The following NCOR2 variants were observed in gnomAD, a reference collection of about 807,000 sequenced individuals.
NCOR2 encodes nuclear receptor corepressor 2, also known as CTG repeat protein 26.
A neutral mutation model predicts 262.9 loss-of-function variants in NCOR2; 81 were observed. That is an observed-to-expected ratio of 0.31 (90% confidence interval 0.26 to 0.37). The LOEUF (loss-of-function observed/expected upper bound fraction) is 0.37, where lower values mean the gene tolerates loss of function less well. Ranked by LOEUF, NCOR2 falls within the 10% of genes least tolerant of loss-of-function variation. The pLI, the probability that NCOR2 is intolerant of heterozygous loss-of-function variation, is 1.00. For missense variants in NCOR2, 3,385 were observed against 3,621.4 expected, an observed-to-expected ratio of 0.93 and a Z score of 1.68; for synonymous variants, 1,659 against 1,559.3, an observed-to-expected ratio of 1.06 and a Z score of -1.51.
intron 21 of NCOR2, 49 bp from the exon 24 acceptor site, chr12:124,362,346 G>A: frequency 1.5e-6 from 2 of 1,316,036 alleles, no homozygotes; most frequent in East Asian, 2.7e-5. Context: ...GTCTGAAAGT[G>A]ACAGGGTCAG....
At chr12:124,476,158 T>A (rs754429551) in intron 3 of NCOR2, among the ~76,000 whole-genome samples, 2 of 152,176 alleles carry the variant, frequency 1.3e-5, no homozygotes, top group Non-Finnish European at 2.9e-5. Flanking sequence ...AGCTCATGCG[T>A]CTGGCACCCC....
chr12:124,373,465 G>A (rs546484849), intron 19 of NCOR2, among the ~76,000 whole-genome samples: 2 of 112,290 alleles, frequency 1.8e-5, no homozygotes, highest in African/African-American at 3.6e-5. Context: ...AGGCCAGTGC[G>A]TGCGCAGGGG....
intron 21 of NCOR2, 25 bp downstream of exon 23, chr12:124,363,654 T>C (rs1468878685): frequency 7.6e-7 from 1 of 1,318,264 alleles, no homozygotes; most frequent in Non-Finnish European, 9.8e-7. Flanking sequence ...GTGGACTCTG[T>C]GGGGCTCTGG....
At chr12:124,376,284 C>A (rs10846663) in intron 18 of NCOR2, among the ~76,000 whole-genome samples, 1 of 152,078 alleles carries the variant, frequency 6.6e-6, no homozygotes, top group African/African-American at 2.4e-5. Context: ...TACGGGGCTA[C>A]GTAAGCTCTG....
chr12:124,479,825 G>C (rs558579186), intron 3 of NCOR2, among the ~76,000 whole-genome samples: 1 of 152,348 alleles, frequency 6.6e-6, no homozygotes, highest in African/African-American at 2.4e-5. Context: ...CCTGGAGGCA[G>C]GCATGGGGTG....
rs1106317 is a variant in NCOR2, at chr12:124,335,467, A to G, written c.6265+16T>C. On this transcript the variant is annotated intron_variant, in intron 39 of 46. Transcript: ENST00000405201. ...TGTGCAGGGCTTCGGGGGCCTGGGT[A>G]CTGGGTGGGGCGTACCTGGCTGCTT... 397,076 of 1,598,272 alleles carry G rather than the reference A, an allele frequency of 0.25. 55,168 individuals carry two copies. The highest frequency in any genetic ancestry group is 0.49 in the African/African-American group (36,574 of 74,890).
intron 1 of NCOR2, among the ~76,000 whole-genome samples, chr12:124,505,784 G>A (rs1260417979): frequency 2.6e-5 from 4 of 152,178 alleles, no homozygotes; most frequent in African/African-American, 9.7e-5. Context: ...AAGGAGGGAG[G>A]TGATGGCGAT....
intron 1 of NCOR2, among the ~76,000 whole-genome samples, chr12:124,493,586 A>G (rs1285531205): frequency 6.6e-6 from 1 of 152,336 alleles, no homozygotes; most frequent in Middle Eastern, 3.4e-3. Flanking sequence ...AATACAGAGC[A>G]TGATAGTCCC....
intron 1 of NCOR2, among the ~76,000 whole-genome samples, chr12:124,551,871 T>C (rs1369006276): frequency 3.9e-5 from 6 of 152,066 alleles, no homozygotes; most frequent in South Asian, 2.1e-4. Context: ...ACCCGCCCCT[T>C]GGGAAAGGCC....
upstream of NCOR2, among the ~76,000 whole-genome samples, chr12:124,497,862 G>T (rs145150834): frequency 6.6e-6 from 1 of 152,314 alleles, no homozygotes; most frequent in African/African-American, 2.4e-5. The surrounding 1 kb of genome is among the most constrained non-coding windows in gnomAD (Gnocchi z 4.2). Context: ...AGCCCTGCCC[G>T]GCCCCAAGAG....
At chr12:124,402,051 G>A (rs1044398557) in intron 14 of NCOR2, among the ~76,000 whole-genome samples, 7 of 152,174 alleles carry the variant, frequency 4.6e-5, no homozygotes, top group African/African-American at 7.2e-5. Flanking sequence ...CCTTCCTGGC[G>A]CCTCAGGAGG....
chr12:124,425,114 C>T (rs2043457272), intron 11 of NCOR2, among the ~76,000 whole-genome samples: 1 of 152,200 alleles, frequency 6.6e-6, no homozygotes, highest in Admixed American at 6.5e-5. Context: ...GTGGCTCACG[C>T]CTATAATCTC....
chr12:124,432,680 G>A lies in NCOR2; in HGVS notation c.883-1893C>T, dbSNP rs968698424. ...CCCAGCCTCACCCCAAGGACCAGCT[G>A]TGAGGACCCCAGCAGCTCCCAGAGA... On this transcript the variant is annotated intron_variant, in intron 8 of 46. Transcript: ENST00000405201. This position sits in a 1 kb window ranked among gnomAD's most constrained non-coding sequence, Gnocchi z 5.1. Among the ~76,000 whole-genome samples the A allele has an allele frequency of 2.6e-5, 4 of 152,192 alleles. No individual in the cohort carries two copies. Among genetic ancestry groups the A allele is most frequent in the African/African-American group, 9.7e-5 (4 of 41,436 alleles).
chr12:124,447,261 T>A (rs1270681138), intron 7 of NCOR2, among the ~76,000 whole-genome samples: 1 of 152,258 alleles, frequency 6.6e-6, no homozygotes, highest in Non-Finnish European at 1.5e-5. Context: ...GATTTAGATT[T>A]GGAACAAATT....
upstream of NCOR2, chr12:124,567,583 G>A (rs1225214378): frequency 6.9e-6 from 1 of 145,970 alleles, no homozygotes; most frequent in Non-Finnish European, 1.5e-5. Context: ...CCGCGGCTCC[G>A]CGCTCCCCGG....
chr12:124,432,498 C>T lies in NCOR2; in HGVS notation c.883-1711G>A, dbSNP rs2044020550. Reference sequence around the variant, plus strand: ...TCTCCCCAGCCATGCTTCCAGTGTCCAGCAGCCACATGCGGCTGGGGCTCC... The same window carrying T: ...TCTCCCCAGCCATGCTTCCAGTGTCTAGCAGCCACATGCGGCTGGGGCTCC... On this transcript the variant is annotated intron_variant, in intron 8 of 46. Coordinates refer to ENST00000405201, the Ensembl canonical transcript of NCOR2. This position sits in a 1 kb window ranked among gnomAD's most constrained non-coding sequence, Gnocchi z 5.1. Among the ~76,000 whole-genome samples the T allele has an allele frequency of 6.6e-6, 1 of 152,192 alleles. No homozygotes were observed. The highest frequency in any genetic ancestry group is 2.4e-5 in the African/African-American group (1 of 41,440).
At chr12:124,485,951 ACCCCACCTCCCTCCCACT>A (rs67192972) in intron 2 of NCOR2, among the ~76,000 whole-genome samples, 23,103 of 76,102 alleles carry the variant, frequency 0.3, 1,826 homozygotes, top group South Asian at 0.4. Flanking sequence ...CCAGCTCCCC[ACCCCACCTCCCTCCCACT>A]CCCCACCTCC....
Position 124,531,385 on chromosome 12 carries a change from C to T in NCOR2, c.-118+4180G>A, listed in dbSNP as rs568857242. 1.3e-5 allele frequency among the ~76,000 whole-genome samples: 2 copies of T among 152,308 alleles called. No individual in the cohort carries two copies. The highest frequency in any genetic ancestry group is 1.3e-4 in the Admixed American group (2 of 15,304). On this transcript the variant is annotated intron_variant, in intron 1 of 46. Transcript: ENST00000404621. The surrounding 1 kb of genome is among the most constrained non-coding windows in gnomAD (Gnocchi z 4.5). ...AGGGGCATCCCCCGGGCCCGATTAG[C>T]GGGCGGCCGCAGGCAGACACGCTCA...
chr12:124,336,708 T>A, intron 38 of NCOR2, 45 bp downstream of exon 40: 1 of 1,601,970 alleles, frequency 6.2e-7, no homozygotes, highest in Non-Finnish European at 8.5e-7. Context: ...ATTTGACGCA[T>A]GATAATCGCG....
Sources: gnomAD v4.1 joint callset for allele counts (sites outside exome capture counted in the v4.1 genomes callset) on GRCh38, gnomAD v4.1.1 for gene constraint, Gnocchi (gnomAD v3.1) non-coding constraint, MANE v1.5 for transcripts, NCBI Gene and HGNC (gene_info 2026-07-23, HGNC 2026-07-21) for gene names.